Variants in CDH4 observed in about 807,000 individuals in gnomAD.
The protein encoded by CDH4 is cadherin-4.
In CDH4, 33 loss-of-function variants were observed where a neutral mutation model predicts 86.0. The observed-to-expected ratio is 0.38, with a 90% CI of 0.29 to 0.51. The LOEUF (loss-of-function observed/expected upper bound fraction) is 0.51, where lower values mean the gene tolerates loss of function less well. Ranked by LOEUF, CDH4 falls within the 20% of genes least tolerant of loss-of-function variation. The pLI, the probability that CDH4 is intolerant of heterozygous loss-of-function variation, is 0.86. For synonymous variants in CDH4, 555 were observed against 549.4 expected (o/e 1.01, Z -0.14); for missense variants, 1,114 against 1,307.4 (o/e 0.85, Z 2.28).
intron 2 of CDH4, among the ~76,000 whole-genome samples, chr20:61,586,111 T>C (rs1300555024): frequency 6.6e-5 from 10 of 151,570 alleles, no homozygotes; most frequent in Non-Finnish European, 7.4e-5. Context: ...ATGGTGATGA[T>C]TGTGGTGATA....
chr20:61,396,639 T>C (rs901863301), intron 2 of CDH4, among the ~76,000 whole-genome samples: 1 of 152,138 alleles, frequency 6.6e-6, no homozygotes, highest in Non-Finnish European at 1.5e-5. Flanking sequence ...GCCTGGCAAC[T>C]CCACTTGCTG....
At chr20:61,784,589 C>CTGGGTAATTTATAA (rs1978757793) in intron 4 of CDH4, among the ~76,000 whole-genome samples, 1 of 97,854 alleles carries the variant, frequency 1.0e-5, no homozygotes, top group Admixed American at 1.1e-4. Flanking sequence ...TTCCTCGGGA[C>CTGGGTAATTTATAA]AGTTCTCCAG....
At chr20:61,724,935 G>A (rs1258310392) in intron 2 of CDH4, among the ~76,000 whole-genome samples, 1 of 152,014 alleles carries the variant, frequency 6.6e-6, no homozygotes, top group Non-Finnish European at 1.5e-5. Flanking sequence ...ACATAGCATG[G>A]CCCCATCTCA....
In CDH4 at chr20:61,882,617, G is replaced by A. The variant is rs1249605703; in HGVS notation, c.1050+8717G>A. Among the ~76,000 whole-genome samples the A allele has an allele frequency of 1.2e-4, 19 of 152,246 alleles. No individual in the cohort carries two copies. In the East Asian group the frequency reaches 1.9e-3, roughly 16 times the overall value. On this transcript the variant is annotated intron_variant, in intron 7 of 15. Transcript: ENST00000614565. ...AGCCCCTCCCTCCCGGGGTTCCGAC[G>A]CCAGGCCCAGGATGCTCCCTGAGTC... is the stretch of plus-strand genomic sequence containing the variant.
intron 2 of CDH4, among the ~76,000 whole-genome samples, chr20:61,741,918 A>C (rs1462499824): frequency 6.6e-6 from 1 of 152,020 alleles, no homozygotes; most frequent in Non-Finnish European, 1.5e-5. Context: ...CAATTGCATT[A>C]GTTTTATTAG....
rs1295096154 is a variant in CDH4 at position 61,393,657 on chromosome 20, C to T, written c.169+138720C>T. Among the ~76,000 whole-genome samples, 1 of 152,104 alleles carries T rather than the reference C, an allele frequency of 6.6e-6. No individual in the cohort carries two copies. The highest frequency in any genetic ancestry group is 1.5e-5 in the Non-Finnish European group (1 of 68,012). On this transcript the variant is annotated intron_variant, in intron 2 of 15. Coordinates refer to ENST00000614565, the MANE Select transcript of CDH4 (RefSeq NM_001794.5). This position sits in a 1 kb window ranked among gnomAD's most constrained non-coding sequence, Gnocchi z 4.3. ...AAAGCATAGTGGTTGCAGCGAGGAT[C>T]ATCGAAGTAGACCTGGCTGGGTGAG...
intron 4 of CDH4, among the ~76,000 whole-genome samples, chr20:61,789,834 G>C (rs1043551077): frequency 2.6e-5 from 4 of 152,214 alleles, no homozygotes; most frequent in African/African-American, 9.6e-5. Context: ...GGACAGCCCA[G>C]GCCTGAAGAC....
intron 2 of CDH4, among the ~76,000 whole-genome samples, chr20:61,337,688 G>A (rs1303340899): frequency 2.6e-5 from 4 of 151,960 alleles, no homozygotes; most frequent in Non-Finnish European, 4.4e-5. Context: ...ATGCTGAATT[G>A]TCATCCCTGC....
chr20:61,517,604 C>T lies in CDH4; in HGVS notation c.170-225959C>T, dbSNP rs2085831410. ...GCCTTCTTCACTCCTGACCTTGGAA[C>T]TTGGCGGGTGGCTGAGCCCCTTGAG... On this transcript the variant is annotated intron_variant, in intron 2 of 15. Coordinates refer to ENST00000614565, the MANE Select transcript of CDH4 (RefSeq NM_001794.5). This position sits in a 1 kb window ranked among gnomAD's most constrained non-coding sequence, Gnocchi z 6.6. 6.6e-6 allele frequency among the ~76,000 whole-genome samples: 1 copy of T among 152,160 alleles called. No homozygotes were observed. The highest frequency in any genetic ancestry group is 2.1e-4 in the South Asian group (1 of 4,826).
intron 2 of CDH4, among the ~76,000 whole-genome samples, chr20:61,603,709 G>A (rs1478766608): frequency 1.3e-5 from 2 of 152,230 alleles, no homozygotes; most frequent in Non-Finnish European, 2.9e-5. Flanking sequence ...AGTGCCTGGG[G>A]TGCCAGTGGA....
At chr20:61,718,656 T>G in intron 2 of CDH4, 1 of 385,638 alleles carries the variant, frequency 2.6e-6, no homozygotes, top group Non-Finnish European at 5.4e-6. Flanking sequence ...AATGGGACAT[T>G]AACTTGAACC....
chr20:61,624,593 G>T (rs1041235145), intron 2 of CDH4, among the ~76,000 whole-genome samples: 2 of 152,184 alleles, frequency 1.3e-5, no homozygotes, highest in African/African-American at 4.8e-5. Flanking sequence ...GCCAAACCTG[G>T]GATCTCTGGA....
intron 4 of CDH4, among the ~76,000 whole-genome samples, chr20:61,806,633 G>A (rs778835730): frequency 2.5e-4 from 38 of 152,290 alleles, no homozygotes; most frequent in Non-Finnish European, 4.8e-4. Flanking sequence ...AGCAGAGGCC[G>A]GACTGGAATT....
chr20:61,418,035 G>A (rs564171142), intron 2 of CDH4, among the ~76,000 whole-genome samples: 16 of 152,092 alleles, frequency 1.1e-4, no homozygotes, highest in Non-Finnish European at 1.9e-4. Context: ...AGTCTCACCT[G>A]CCTTTGCTCT....
chr20:61,459,634 T>C (rs1568852841), intron 2 of CDH4, among the ~76,000 whole-genome samples: 1 of 150,842 alleles, frequency 6.6e-6, no homozygotes, highest in Non-Finnish European at 1.5e-5. Flanking sequence ...GAGGACACCA[T>C]AGATGCGGGC....
chr20:61,700,683 T>A (rs1246740748), intron 2 of CDH4, among the ~76,000 whole-genome samples: 4 of 151,894 alleles, frequency 2.6e-5, no homozygotes, highest in Non-Finnish European at 4.4e-5. Flanking sequence ...CCATACGGCC[T>A]CCCTGTGGGG....
chr20:61,569,981 CTT>C (rs1278256156), intron 2 of CDH4, among the ~76,000 whole-genome samples: 1 of 152,216 alleles, frequency 6.6e-6, no homozygotes, highest in Non-Finnish European at 1.5e-5. Flanking sequence ...ACACTCCTCT[CTT>C]TAGCTGGCCG....
At chr20:61,430,734 C>T (rs756538423) in intron 2 of CDH4, among the ~76,000 whole-genome samples, 3 of 152,206 alleles carry the variant, frequency 2.0e-5, no homozygotes, top group Non-Finnish European at 2.9e-5. Context: ...CTGCTCCACA[C>T]GCATTACACC....
chr20:61,424,122 CAT>C (rs745357169), intron 2 of CDH4, among the ~76,000 whole-genome samples: 7 of 151,934 alleles, frequency 4.6e-5, no homozygotes, highest in Non-Finnish European at 7.4e-5. Context: ...ACATAGCACA[CAT>C]GTATCCACAC....
Sources: allele counts gnomAD v4.1 joint callset (sites outside exome capture counted in the v4.1 genomes callset), GRCh38; gene constraint gnomAD v4.1.1; non-coding constraint Gnocchi (gnomAD v3.1); transcripts MANE v1.5; gene names NCBI Gene and HGNC (gene_info 2026-07-23, HGNC 2026-07-21).